Variants in GRIK2 observed in about 807,000 individuals in gnomAD.
GRIK2 encodes the protein glutamate ionotropic receptor kainate type subunit 2.
In GRIK2, 32 loss-of-function variants were observed where a neutral mutation model predicts 100.3. The ratio of observed to expected loss-of-function variants is 0.32; its 90% CI spans 0.24 to 0.43. GRIK2 has a LOEUF of 0.43. Among genes scored for constraint, GRIK2 ranks in the 20% least tolerant of loss-of-function variants. The pLI, the probability that GRIK2 is intolerant of heterozygous loss-of-function variation, is 1.00. For synonymous variants in GRIK2, 417 were observed against 389.4 expected (o/e 1.07, Z -0.83); for missense variants, 843 against 1,114.9 (o/e 0.76, Z 3.47).
At chr6:101,863,862 G>A (rs1784886571) in intron 11 of GRIK2, among the ~76,000 whole-genome samples, 1 of 152,152 alleles carries the variant, frequency 6.6e-6, no homozygotes, top group South Asian at 2.1e-4. Flanking sequence ...GATTGGCCGG[G>A]CGCGGTGGCT....
intron 4 of GRIK2, among the ~76,000 whole-genome samples, chr6:101,634,662 A>G (rs188204453): frequency 6.6e-6 from 1 of 152,204 alleles, no homozygotes; most frequent in East Asian, 1.9e-4. Context: ...ATGGAGATAA[A>G]TATAGACATG....
intron 7 of GRIK2, among the ~76,000 whole-genome samples, chr6:101,709,229 G>C (rs560719585): frequency 6.9e-4 from 104 of 151,762 alleles, no homozygotes; most frequent in African/African-American, 2.4e-3. Flanking sequence ...CAGAAACTAT[G>C]AGAAAGATAT....
intron 9 of GRIK2, among the ~76,000 whole-genome samples, chr6:101,811,957 T>C (rs992180186): frequency 1.3e-5 from 2 of 151,388 alleles, no homozygotes; most frequent in African/African-American, 4.8e-5. Flanking sequence ...AATATACTTA[T>C]AAAACAAAAT....
intron 7 of GRIK2, among the ~76,000 whole-genome samples, chr6:101,740,792 G>A (rs375465324): frequency 6.6e-6 from 1 of 152,126 alleles, no homozygotes; most frequent in African/African-American, 2.4e-5. Context: ...AGGGGGTGGT[G>A]CCAGGTTCTT....
In GRIK2 at chr6:101,860,500, G is replaced by T. The variant is rs369256694; in HGVS notation, c.1524+1007G>T. ...TGTACAAAAATGGTGGCATTAGCAT[G>T]GTGTGAGGGTGGAGTTTTCAGCCCT... On this transcript the variant is annotated intron_variant, in intron 11 of 16. Coordinates refer to ENST00000369134, the MANE Select transcript of GRIK2 (RefSeq NM_021956.5). Among the ~76,000 whole-genome samples, 83 of 152,272 alleles carry T rather than the reference G, an allele frequency of 5.5e-4. 1 individual carries two copies. The South Asian group carries it at 0.017, about 31-fold the overall frequency.
chr6:101,474,539 A>T (rs1772128257), intron 2 of GRIK2, among the ~76,000 whole-genome samples: 1 of 151,892 alleles, frequency 6.6e-6, no homozygotes, highest in South Asian at 2.1e-4. Flanking sequence ...TGAATATTAT[A>T]CTTTGCATTT....
chr6:101,860,983 TC>T, intron 11 of GRIK2: 1 of 760,180 alleles, frequency 1.3e-6, no homozygotes, highest in Non-Finnish European at 1.6e-6. Context: ...TTCTCCACTT[TC>T]CCATACTCGG....
chr6:101,991,443 T>C (rs941484740), intron 14 of GRIK2, among the ~76,000 whole-genome samples: 3 of 150,958 alleles, frequency 2.0e-5, no homozygotes, highest in African/African-American at 7.3e-5. Flanking sequence ...TAAATAATAA[T>C]ATTGAAAAAT....
chr6:101,537,455 C>CGT (rs559277470), intron 2 of GRIK2, among the ~76,000 whole-genome samples: 1,335 of 130,584 alleles, frequency 0.01, 11 homozygotes, highest in African/African-American at 0.031. Flanking sequence ...TGTGTGTGTG[C>CGT]GTGTGTGTGT....
At chr6:101,559,102 C>T (rs931484807) in intron 2 of GRIK2, among the ~76,000 whole-genome samples, 2 of 151,932 alleles carry the variant, frequency 1.3e-5, no homozygotes, top group African/African-American at 4.8e-5. Flanking sequence ...TCTTCTGATC[C>T]CTATTTTCAT....
intron 10 of GRIK2, among the ~76,000 whole-genome samples, chr6:101,820,722 G>T (rs930562135): frequency 6.6e-6 from 1 of 152,164 alleles, no homozygotes; most frequent in Non-Finnish European, 1.5e-5. Flanking sequence ...GATTATAGGC[G>T]TGAGCCACTG....
chr6:101,721,343 C>T (rs887973650), intron 7 of GRIK2, among the ~76,000 whole-genome samples: 4 of 151,890 alleles, frequency 2.6e-5, no homozygotes, highest in Admixed American at 2.6e-4. Flanking sequence ...TCACTTGAAC[C>T]CAGGAGTTCG....
At chr6:101,494,011 A>T (rs962834413) in intron 2 of GRIK2, among the ~76,000 whole-genome samples, 1 of 118,568 alleles carries the variant, frequency 8.4e-6, no homozygotes, top group African/African-American at 3.6e-5. Flanking sequence ...TGTATATATT[A>T]TATATAAAAA....
At chr6:101,979,058 C>T (rs991267750) in intron 14 of GRIK2, among the ~76,000 whole-genome samples, 24 of 151,874 alleles carry the variant, frequency 1.6e-4, no homozygotes, top group Non-Finnish European at 3.5e-4. Context: ...TCATATAAAC[C>T]GTTTTTTGCA....
chr6:101,688,918 T>TA (rs1174571341), intron 7 of GRIK2, among the ~76,000 whole-genome samples: 3 of 151,932 alleles, frequency 2.0e-5, no homozygotes, highest in African/African-American at 7.2e-5. Flanking sequence ...ACCAAAATTT[T>TA]AAAAAAATAC....
At chr6:101,886,187 T>C (rs527470854) in intron 11 of GRIK2, among the ~76,000 whole-genome samples, 2 of 152,292 alleles carry the variant, frequency 1.3e-5, no homozygotes, top group African/African-American at 4.8e-5. Context: ...TCAGAGGCTC[T>C]GAACTTGACC....
intron 2 of GRIK2, among the ~76,000 whole-genome samples, chr6:101,519,622 G>A (rs1774771339): frequency 6.6e-6 from 1 of 152,048 alleles, no homozygotes; most frequent in Non-Finnish European, 1.5e-5. Context: ...TAAATCTTGA[G>A]AGAAAGTGGG....
intron 2 of GRIK2, among the ~76,000 whole-genome samples, chr6:101,508,584 A>G (rs1046852475): frequency 1.1e-4 from 17 of 152,150 alleles, no homozygotes; most frequent in Non-Finnish European, 4.4e-5. Context: ...TCTTGTCAAG[A>G]TACTAAGATG....
At chr6:102,023,948 G>T (rs1010938268) in intron 14 of GRIK2, among the ~76,000 whole-genome samples, 1 of 151,266 alleles carries the variant, frequency 6.6e-6, no homozygotes, top group Non-Finnish European at 1.5e-5. Flanking sequence ...TCTTTAATGC[G>T]CATGAGGCTC....
Sources: allele counts gnomAD v4.1 joint callset (sites outside exome capture counted in the v4.1 genomes callset), GRCh38; gene constraint gnomAD v4.1.1; transcripts MANE v1.5; gene names NCBI Gene and HGNC (gene_info 2026-07-23, HGNC 2026-07-21).